Variants in THSD7A observed in about 807,000 individuals in gnomAD.
THSD7A encodes thrombospondin type-1 domain-containing protein 7A.
In THSD7A, 96 loss-of-function variants were observed where a neutral mutation model predicts 231.3. The ratio of observed to expected loss-of-function variants is 0.41; its 90% CI spans 0.35 to 0.49. THSD7A has a LOEUF of 0.49. Ranked by LOEUF, THSD7A falls within the 20% of genes least tolerant of loss-of-function variation. THSD7A has a pLI of 0.05. For synonymous variants in THSD7A, 940 were observed against 743.3 expected (o/e 1.26, Z -4.30); for missense variants, 2,290 against 2,070.2 (o/e 1.11, Z -2.06).
At chr7:11,801,129 A>G (rs1784262715) in intron 1 of THSD7A, among the ~76,000 whole-genome samples, 1 of 151,946 alleles carries the variant, frequency 6.6e-6, no homozygotes, top group Non-Finnish European at 1.5e-5. Context: ...AGGAGACCCC[A>G]TTTCAAAAAA....
chr7:11,457,056 A>G (rs1785331653), intron 11 of THSD7A, among the ~76,000 whole-genome samples: 1 of 152,108 alleles, frequency 6.6e-6, no homozygotes. Context: ...GAGAAAAAAG[A>G]AATCTATTAA....
intron 2 of THSD7A, among the ~76,000 whole-genome samples, chr7:11,606,661 A>G (rs1009943621): frequency 1.5e-4 from 15 of 102,830 alleles, no homozygotes. Context: ...ATTTAATAAT[A>G]CTTTTTTATA....
intron 4 of THSD7A, among the ~76,000 whole-genome samples, chr7:11,575,018 T>C (rs1436997092): frequency 6.6e-6 from 1 of 152,126 alleles, no homozygotes. Context: ...CTTAAGAAAA[T>C]TATTTAAGCT....
intron 6 of THSD7A, among the ~76,000 whole-genome samples, chr7:11,501,452 A>G (rs371306673): frequency 1.3e-4 from 20 of 152,352 alleles, no homozygotes; most frequent in African/African-American, 4.6e-4. Context: ...AGCACAATAA[A>G]AATAGAAATC....
In THSD7A at chr7:11,743,195, C is replaced by G. The variant is rs116343432; in HGVS notation, c.190+88562G>C. Among the ~76,000 whole-genome samples, 503 of 151,922 alleles carry G rather than the reference C, an allele frequency of 3.3e-3. 5 individuals are homozygous for G. Among genetic ancestry groups the G allele is most frequent in the African/African-American group, 0.012 (482 of 41,502 alleles). ...TTTTATGGCCCTAATAGATGAGATA[C>G]TTAGCAATGCGTTATTGACTTTTGT... is the stretch of plus-strand genomic sequence containing the variant. On this transcript the variant is annotated intron_variant, in intron 1 of 27. Coordinates refer to ENST00000423059, the MANE Select transcript of THSD7A (RefSeq NM_015204.3).
chr7:11,472,568 A>G (rs1339077902), intron 8 of THSD7A, among the ~76,000 whole-genome samples: 2 of 152,194 alleles, frequency 1.3e-5, no homozygotes, highest in Admixed American at 6.5e-5. Flanking sequence ...ATAGATGCAC[A>G]TAAGTCATTG....
chr7:11,542,849 T>G (rs554941409), intron 5 of THSD7A, 113 bp downstream of exon 5: 1 of 1,188,906 alleles, frequency 8.4e-7, no homozygotes, highest in East Asian at 2.5e-5. Flanking sequence ...TAATAGTCTT[T>G]AGCCATTCTG....
At chr7:11,415,029 T>G (rs1223029311) in intron 17 of THSD7A, among the ~76,000 whole-genome samples, 2 of 152,206 alleles carry the variant, frequency 1.3e-5, no homozygotes, top group African/African-American at 4.8e-5. Context: ...CTCCTTACAT[T>G]CAAGTTCATC....
intron 2 of THSD7A, among the ~76,000 whole-genome samples, chr7:11,595,015 A>G (rs568169964): frequency 6.6e-6 from 1 of 152,304 alleles, no homozygotes; most frequent in East Asian, 1.9e-4. Flanking sequence ...AAGCTTCCCC[A>G]TCCCCAGTAG....
At chr7:11,779,102 A>G (rs1047793673) in intron 1 of THSD7A, among the ~76,000 whole-genome samples, 10 of 152,176 alleles carry the variant, frequency 6.6e-5, no homozygotes, top group African/African-American at 2.2e-4. Flanking sequence ...ATGATATGCC[A>G]AAGATCAGTC....
chr7:11,644,638 C>T (rs1782212799), intron 1 of THSD7A, among the ~76,000 whole-genome samples: 1 of 151,834 alleles, frequency 6.6e-6, no homozygotes, highest in Non-Finnish European at 1.5e-5. Context: ...ATTACATGTA[C>T]AAAATTAGAA....
chr7:11,690,649 G>C (rs1463256786), intron 1 of THSD7A, among the ~76,000 whole-genome samples: 5 of 151,706 alleles, frequency 3.3e-5, no homozygotes, highest in Non-Finnish European at 7.4e-5. Flanking sequence ...TGAGCCCTTT[G>C]GCGGGGAGAT....
intron 16 of THSD7A, among the ~76,000 whole-genome samples, chr7:11,419,822 G>A (rs1205056067): frequency 6.6e-6 from 1 of 152,196 alleles, no homozygotes; most frequent in East Asian, 1.9e-4. Context: ...GAGATGATGA[G>A]CTTATTGGGA....
chr7:11,783,508 A>C (rs1263329669), intron 1 of THSD7A, among the ~76,000 whole-genome samples: 2 of 152,162 alleles, frequency 1.3e-5, no homozygotes, highest in African/African-American at 4.8e-5. Context: ...ATTAAGGAGC[A>C]AGGGAGTTGA....
At chr7:11,718,881 C>A (rs781776399) in intron 1 of THSD7A, among the ~76,000 whole-genome samples, 1 of 151,362 alleles carries the variant, frequency 6.6e-6, no homozygotes, top group Non-Finnish European at 1.5e-5. Context: ...TCTTTCCCAA[C>A]ATGTTTTAAA....
At chr7:11,701,079 C>G (rs1780584945) in intron 1 of THSD7A, among the ~76,000 whole-genome samples, 1 of 151,108 alleles carries the variant, frequency 6.6e-6, no homozygotes, top group Admixed American at 6.6e-5. Context: ...ATTTAAAATA[C>G]TGAGATTTGC....
rs969812295 is a variant in THSD7A at position 11,375,934 on chromosome 7, A to G, written c.4890-56T>C. 77 of 1,553,558 alleles carry G rather than the reference A, an allele frequency of 5.0e-5. No individual in the cohort carries two copies. In the Admixed American group the frequency reaches 1.3e-3, roughly 26 times the overall value. On this transcript the variant is annotated intron_variant, in intron 27 of 27. Coordinates refer to ENST00000423059, the MANE Select transcript of THSD7A (RefSeq NM_015204.3). ...AAATCAGTTTCTAATTGTAAATTTGATTGCTTTAAGCGAAAAAAAAGTAAA... is the reference window on the plus strand; with the variant it reads ...AAATCAGTTTCTAATTGTAAATTTGGTTGCTTTAAGCGAAAAAAAAGTAAA...
intron 4 of THSD7A, among the ~76,000 whole-genome samples, chr7:11,574,508 C>T (rs1034449535): frequency 6.0e-5 from 9 of 151,026 alleles, no homozygotes; most frequent in African/African-American, 2.2e-4. Context: ...GATCTCGGCT[C>T]ACTGCAAGCT....
chr7:11,824,817 C>G (rs1784978241), intron 1 of THSD7A, among the ~76,000 whole-genome samples: 1 of 152,048 alleles, frequency 6.6e-6, no homozygotes, highest in South Asian at 2.1e-4. Context: ...AAGCAACTAT[C>G]CAGTGACAGC....
Sources: gnomAD v4.1 joint callset for allele counts (sites outside exome capture counted in the v4.1 genomes callset) on GRCh38, gnomAD v4.1.1 for gene constraint, MANE v1.5 for transcripts, NCBI Gene and HGNC (gene_info 2026-07-23, HGNC 2026-07-21) for gene names.